The following GALNT13 variants were observed in gnomAD, a reference collection of about 807,000 sequenced individuals.
The protein encoded by GALNT13 is UDP-GalNAc:polypeptide N-acetylgalactosaminyltransferase 13.
Under a neutral mutation model 64.2 loss-of-function variants are expected in GALNT13, and 28 were observed. The ratio of observed to expected loss-of-function variants is 0.44; its 90% CI spans 0.32 to 0.60. GALNT13 has a LOEUF of 0.60. Among genes scored for constraint, GALNT13 ranks in the 20% least tolerant of loss-of-function variants. The pLI is 0.05. For synonymous variants in GALNT13, 214 were observed against 224.6 expected (o/e 0.95, Z 0.42); for missense variants, 577 against 669.8 (o/e 0.86, Z 1.53).
At chr2:153,807,152 C>T in the GALNT13 span, among the ~76,000 whole-genome samples, 1 of 152,008 alleles carries the variant, frequency 6.6e-6, no homozygotes, top group African/African-American at 2.4e-5. Flanking sequence ...TTAGCAACCC[C>T]ATCCCTCTTC....
the GALNT13 span, among the ~76,000 whole-genome samples, chr2:153,621,180 G>A: frequency 5.9e-5 from 9 of 151,914 alleles, no homozygotes; most frequent in African/African-American, 2.2e-4. Flanking sequence ...TAACATGCTC[G>A]AACCTACATA....
chr2:153,172,276 G>A, the GALNT13 span, among the ~76,000 whole-genome samples: 1 of 152,158 alleles, frequency 6.6e-6, no homozygotes, highest in Non-Finnish European at 1.5e-5. Flanking sequence ...GAGCCTTGGT[G>A]TAGCTCCTGT....
Position 154,450,963 on chromosome 2 carries a change from T to A in GALNT13, c.*412T>A, listed in dbSNP as rs963828423. On this transcript the variant is annotated 3_prime_UTR_variant, in exon 13 of 13. Transcript: ENST00000392825. ...AGTTGCTTTATAAACTCACTCTTTT[T>A]ATGGATCCTTCATGGAAACATGTTT... 2 of 155,190 alleles carry A rather than the reference T, an allele frequency of 1.3e-5. No individual in the cohort carries two copies. Among genetic ancestry groups the A allele is most frequent in the African/African-American group, 4.8e-5 (2 of 41,476 alleles). 9.6% of individuals were successfully genotyped at this position (155,190 alleles called of 1,614,324 possible).
chr2:154,158,297 G>A lies in GALNT13; in HGVS notation c.311+17792G>A, dbSNP rs550522980. On this transcript the variant is annotated intron_variant, in intron 4 of 12. Transcript: ENST00000392825. ...AAACTCCATTCTTTCATTTGCTCAG[G>A]CCAAACCAGGAAGTCTCATTGCACC... Among the ~76,000 whole-genome samples, 9 of 152,124 alleles carry A rather than the reference G, an allele frequency of 5.9e-5. No individual in the cohort carries two copies. In the East Asian group the frequency reaches 1.4e-3, roughly 23 times the overall value.
At chr2:153,770,677 C>T in the GALNT13 span, among the ~76,000 whole-genome samples, 4 of 152,238 alleles carry the variant, frequency 2.6e-5, no homozygotes, top group Non-Finnish European at 4.4e-5. Context: ...AGCTGATACA[C>T]ATAGGTATGT....
chr2:153,755,479 T>C, the GALNT13 span, among the ~76,000 whole-genome samples: 4 of 152,164 alleles, frequency 2.6e-5, no homozygotes, highest in Non-Finnish European at 5.9e-5. Flanking sequence ...ATGGTTTTAA[T>C]GGGCATTTCT....
chr2:154,446,852 T>A, intron 12 of GALNT13: 1 of 1,325,446 alleles, frequency 7.5e-7, no homozygotes, highest in Non-Finnish European at 9.9e-7. Flanking sequence ...AAAATGTGGT[T>A]AAGAAAAATT....
At chr2:154,336,053 T>C (rs1695427614) in intron 9 of GALNT13, among the ~76,000 whole-genome samples, 1 of 152,060 alleles carries the variant, frequency 6.6e-6, no homozygotes, top group Non-Finnish European at 1.5e-5. Flanking sequence ...TAGTGACAAA[T>C]ACAGAATACC....
At chr2:153,479,792 A>C in the GALNT13 span, among the ~76,000 whole-genome samples, 1 of 152,160 alleles carries the variant, frequency 6.6e-6, no homozygotes, top group Non-Finnish European at 1.5e-5. Context: ...GGCCTGATTG[A>C]CGCTTCAGCC....
the GALNT13 span, among the ~76,000 whole-genome samples, chr2:153,856,739 TTTGA>T: frequency 2.0e-5 from 3 of 152,176 alleles, no homozygotes; most frequent in Non-Finnish European, 4.4e-5. Context: ...TGATTTATCC[TTTGA>T]TTGGGCAGTT....
the GALNT13 span, among the ~76,000 whole-genome samples, chr2:153,498,781 TG>T: frequency 6.6e-6 from 1 of 152,156 alleles, no homozygotes; most frequent in African/African-American, 2.4e-5. Context: ...TGAGCAGGGT[TG>T]GGGGGTGTGT....
the GALNT13 span, among the ~76,000 whole-genome samples, chr2:153,136,099 G>A: frequency 2.6e-5 from 4 of 152,102 alleles, no homozygotes; most frequent in African/African-American, 9.6e-5. Flanking sequence ...CTGATAGGGA[G>A]CAGTTGCAGA....
chr2:153,998,800 T>C (rs1695697422), intron 3 of GALNT13, among the ~76,000 whole-genome samples: 1 of 152,156 alleles, frequency 6.6e-6, no homozygotes, highest in African/African-American at 2.4e-5. Flanking sequence ...GTACTCCATC[T>C]TGAGTTAATT....
At chr2:153,908,946 T>G (rs1039977325) in intron 2 of GALNT13, among the ~76,000 whole-genome samples, 40 of 152,158 alleles carry the variant, frequency 2.6e-4, no homozygotes, top group African/African-American at 9.7e-4. Context: ...ATTTATAGTT[T>G]GATAGGGATA....
Position 153,937,963 on chromosome 2 carries a change from T to C in GALNT13, c.-104-6431T>C, listed in dbSNP as rs1466053430. On this transcript the variant is annotated intron_variant, in intron 2 of 12. Coordinates refer to ENST00000392825, the MANE Select transcript of GALNT13 (RefSeq NM_052917.4). ...ATGGGAAGATAGGGATGTATAGACA[T>C]ATGTAATTATTGTCAAAAGTTTTAC... 3.3e-5 allele frequency among the ~76,000 whole-genome samples: 5 copies of C among 152,342 alleles called. No individual in the cohort carries two copies. In the East Asian group the frequency reaches 5.8e-4, roughly 18 times the overall value.
intron 3 of GALNT13, among the ~76,000 whole-genome samples, chr2:153,975,836 A>G (rs1031408862): frequency 6.6e-5 from 10 of 152,062 alleles, no homozygotes; most frequent in Non-Finnish European, 1.3e-4. Context: ...CACTACACAC[A>G]CAAAAAAACG....
the GALNT13 span, among the ~76,000 whole-genome samples, chr2:153,450,975 A>T: frequency 1.3e-5 from 2 of 152,208 alleles, no homozygotes; most frequent in Non-Finnish European, 2.9e-5. Flanking sequence ...TATGAAGTTC[A>T]ACCATAAATA....
chr2:153,392,451 C>A, the GALNT13 span, among the ~76,000 whole-genome samples: 26 of 152,020 alleles, frequency 1.7e-4, no homozygotes, highest in Non-Finnish European at 3.7e-4. Flanking sequence ...GCAGAGTAAT[C>A]TCCTTAGTTG....
chr2:153,599,494 T>C, the GALNT13 span, among the ~76,000 whole-genome samples: 66 of 151,962 alleles, frequency 4.3e-4, no homozygotes, highest in Non-Finnish European at 4.9e-4. Flanking sequence ...TCACTTTGTA[T>C]GGGGTAAGTG....
Sources: allele counts gnomAD v4.1 joint callset (sites outside exome capture counted in the v4.1 genomes callset), GRCh38; gene constraint gnomAD v4.1.1; transcripts MANE v1.5; gene names NCBI Gene and HGNC (gene_info 2026-07-23, HGNC 2026-07-21).